AKT3: variants seen among roughly 807,000 people sequenced by gnomAD.
AKT3 encodes the protein AKT serine/threonine kinase 3, also known as RAC-gamma serine/threonine-protein kinase.
Under a neutral mutation model 65.3 loss-of-function variants are expected in AKT3, and 15 were observed. That is an observed-to-expected ratio of 0.23 (90% confidence interval 0.15 to 0.35). The LOEUF (loss-of-function observed/expected upper bound fraction) is 0.35. Ranked by LOEUF, AKT3 falls within the 10% of genes least tolerant of loss-of-function variation. The probability of loss-of-function intolerance (pLI) is 1.00; values close to 1 mark genes in which losing one functional copy is unlikely to be tolerated. For missense variants in AKT3, 243 were observed against 576.5 expected, an observed-to-expected ratio of 0.42 and a Z score of 5.92; for synonymous variants, 206 against 183.8, an observed-to-expected ratio of 1.12 and a Z score of -0.98.
At chr1:243,511,185 GC>G (rs1338265544) in intron 13 of AKT3, among the ~76,000 whole-genome samples, 2 of 152,236 alleles carry the variant, frequency 1.3e-5, no homozygotes, top group Non-Finnish European at 2.9e-5. Context: ...AAGTTGGTAA[GC>G]CCTGCTTCTG....
chr1:243,550,957 T>TA (rs1673021349), intron 11 of AKT3, among the ~76,000 whole-genome samples: 1 of 23,720 alleles, frequency 4.2e-5, no homozygotes, highest in Non-Finnish European at 6.8e-5. Context: ...AGACTCCCTC[T>TA]CAAAAAAAAA....
chr1:243,609,344 GT>G (rs1677691754), intron 8 of AKT3, among the ~76,000 whole-genome samples: 1 of 151,522 alleles, frequency 6.6e-6, no homozygotes, highest in Non-Finnish European at 1.5e-5. Context: ...CTGTGTGTGT[GT>G]GTGTGTGTGT....
At chr1:243,629,563 C>T (rs1016301271) in intron 6 of AKT3, among the ~76,000 whole-genome samples, 1 of 151,982 alleles carries the variant, frequency 6.6e-6, no homozygotes, top group Non-Finnish European at 1.5e-5. Context: ...GAGGCCAAGG[C>T]GGGTGGATCA....
At chr1:243,763,534 A>C (rs989084401) in intron 2 of AKT3, among the ~76,000 whole-genome samples, 29 of 152,088 alleles carry the variant, frequency 1.9e-4, no homozygotes, top group Non-Finnish European at 3.8e-4. Flanking sequence ...AAGCATGCCA[A>C]CTGATTGGGG....
intron 12 of AKT3, among the ~76,000 whole-genome samples, chr1:243,531,584 T>A (rs1558593290): frequency 6.6e-6 from 1 of 152,210 alleles, no homozygotes; most frequent in Non-Finnish European, 1.5e-5. Flanking sequence ...TATTTTGTTT[T>A]TCTGTGTTTG....
intron 2 of AKT3, among the ~76,000 whole-genome samples, chr1:243,730,705 C>T (rs1044144756): frequency 6.6e-6 from 1 of 152,194 alleles, no homozygotes; most frequent in Non-Finnish European, 1.5e-5. Flanking sequence ...CCCTGCTCGC[C>T]GAGCCGCGGG....
chr1:243,805,570 C>A (rs1692672489), intron 2 of AKT3, among the ~76,000 whole-genome samples: 1 of 152,196 alleles, frequency 6.6e-6, no homozygotes. Flanking sequence ...CCTCCCTCCC[C>A]TCAAATCCCT....
chr1:243,757,410 G>C (rs1689204923), intron 2 of AKT3, among the ~76,000 whole-genome samples: 1 of 152,144 alleles, frequency 6.6e-6, no homozygotes, highest in Non-Finnish European at 1.5e-5. Context: ...CTGAGGTCAG[G>C]ACTTCAAGAC....
At chr1:243,768,487 C>G (rs1329234407) in intron 2 of AKT3, among the ~76,000 whole-genome samples, 2 of 152,106 alleles carry the variant, frequency 1.3e-5, no homozygotes, top group Admixed American at 6.5e-5. Flanking sequence ...CCTACAGAAC[C>G]CTTCTCTATC....
At chr1:243,699,619 G>C (rs2148038367) in intron 2 of AKT3, among the ~76,000 whole-genome samples, 1 of 151,212 alleles carries the variant, frequency 6.6e-6, no homozygotes, top group Admixed American at 6.6e-5. Context: ...TTCCCAGCAA[G>C]GATTCTGGTA....
intron 8 of AKT3, among the ~76,000 whole-genome samples, chr1:243,593,373 A>G (rs1271964373): frequency 6.6e-6 from 1 of 152,198 alleles, no homozygotes; most frequent in Non-Finnish European, 1.5e-5. Context: ...TAACATTTGA[A>G]TGTCAATGTA....
chr1:243,709,759 A>C (rs1455901884), intron 2 of AKT3, among the ~76,000 whole-genome samples: 1 of 152,026 alleles, frequency 6.6e-6, no homozygotes, highest in Non-Finnish European at 1.5e-5. Flanking sequence ...ACGTTTAAAT[A>C]TCTCTTCAAA....
chr1:243,567,838 CAT>C (rs1674281863), intron 9 of AKT3, among the ~76,000 whole-genome samples: 1 of 152,062 alleles, frequency 6.6e-6, no homozygotes, highest in Non-Finnish European at 1.5e-5. Flanking sequence ...TTATACAATA[CAT>C]GATAATTTTA....
chr1:243,803,543 C>T (rs1180356407), intron 2 of AKT3, among the ~76,000 whole-genome samples: 1 of 152,096 alleles, frequency 6.6e-6, no homozygotes, highest in African/African-American at 2.4e-5. Context: ...TGAAGACTCA[C>T]TTATATAAGC....
chr1:243,631,519 C>A (rs762875307), intron 6 of AKT3, among the ~76,000 whole-genome samples: 20 of 152,152 alleles, frequency 1.3e-4, no homozygotes, highest in Non-Finnish European at 2.5e-4. Context: ...GAACCCCTGA[C>A]CTCAAGCGAT....
chr1:243,507,943 G>GA (rs1438353048), intron 13 of AKT3, among the ~76,000 whole-genome samples: 1 of 152,186 alleles, frequency 6.6e-6, no homozygotes, highest in East Asian at 1.9e-4. Context: ...GCTGTTTGTA[G>GA]AAAATGGAAC....
intron 2 of AKT3, among the ~76,000 whole-genome samples, chr1:243,758,367 T>G (rs1689274331): frequency 6.6e-6 from 1 of 152,176 alleles, no homozygotes; most frequent in South Asian, 2.1e-4. Flanking sequence ...GTGAGGAAGC[T>G]CGATATAGAT....
chr1:243,670,600 A>G (rs1333665508), intron 3 of AKT3, among the ~76,000 whole-genome samples: 2 of 152,222 alleles, frequency 1.3e-5, no homozygotes, highest in Non-Finnish European at 1.5e-5. Context: ...AGATTCTAAA[A>G]AGCTATTAAC....
chr1:243,611,502 G>A lies in AKT3; in HGVS notation c.696+2169C>T, dbSNP rs571630338. On this transcript the variant is annotated intron_variant, in intron 8 of 13. Coordinates refer to ENST00000673466, the MANE Select transcript of AKT3 (RefSeq NM_005465.7). ...GTTCAAGACCAGCCTAGGCAACATG[G>A]CAAAACCCTATCTCTACAAAAAAAT... 2.8e-4 allele frequency among the ~76,000 whole-genome samples: 42 copies of A among 152,154 alleles called. No individual in the cohort carries two copies. In the East Asian group the frequency reaches 4.6e-3, roughly 17 times the overall value.
Sources: allele counts gnomAD v4.1 joint callset (sites outside exome capture counted in the v4.1 genomes callset), GRCh38; gene constraint gnomAD v4.1.1; transcripts MANE v1.5; gene names NCBI Gene and HGNC (gene_info 2026-07-23, HGNC 2026-07-21).